The following PRKDC variants were observed in gnomAD, a reference collection of about 807,000 sequenced individuals.
The protein encoded by PRKDC is protein kinase, DNA-activated, catalytic subunit.
PRKDC carries 82 observed loss-of-function variants against 486.9 expected under a neutral mutation model. That is an observed-to-expected ratio of 0.17 (90% CI 0.14 to 0.20). The LOEUF is 0.20. Among genes scored for constraint, PRKDC ranks in the 10% least tolerant of loss-of-function variants. The pLI, the probability that PRKDC is intolerant of heterozygous loss-of-function variation, is 1.00. For synonymous variants in PRKDC, 1,895 were observed against 1,837.0 expected (o/e 1.03, Z -0.81); for missense variants, 4,504 against 5,038.2 (o/e 0.89, Z 3.21).
intron 14 of PRKDC, among the ~76,000 whole-genome samples, chr8:47,934,434 C>T (rs1261954964): frequency 2.0e-5 from 3 of 152,242 alleles, no homozygotes; most frequent in African/African-American, 7.2e-5. Flanking sequence ...ACTTGGGAGG[C>T]TAAGACAGGA....
chr8:47,814,040 T>C (rs1218353603), intron 68 of PRKDC, among the ~76,000 whole-genome samples: 1 of 152,228 alleles, frequency 6.6e-6, no homozygotes, highest in East Asian at 1.9e-4. Context: ...CATGACCGTA[T>C]TGGGTTTACC....
chr8:47,856,755 C>G (rs1463578222), intron 49 of PRKDC, among the ~76,000 whole-genome samples: 1 of 152,222 alleles, frequency 6.6e-6, no homozygotes, highest in Non-Finnish European at 1.5e-5. Flanking sequence ...TTAGTCAATA[C>G]TCTGGGAGTA....
chr8:47,947,006 C>T (rs1300729871), intron 7 of PRKDC, among the ~76,000 whole-genome samples: 1 of 152,200 alleles, frequency 6.6e-6, no homozygotes, highest in Non-Finnish European at 1.5e-5. Context: ...GGAATGAGAT[C>T]CCAGCTCAGA....
At chr8:47,775,988 T>G (rs113397722) in intron 85 of PRKDC, among the ~76,000 whole-genome samples, 1 of 152,118 alleles carries the variant, frequency 6.6e-6, no homozygotes, top group Non-Finnish European at 1.5e-5. Context: ...CATGCCCAGC[T>G]AATTTTTGTA....
intron 7 of PRKDC, among the ~76,000 whole-genome samples, chr8:47,950,377 G>A (rs1489917413): frequency 6.6e-6 from 1 of 152,004 alleles, no homozygotes; most frequent in Non-Finnish European, 1.5e-5. Context: ...TGTAATCCCA[G>A]CACTTTGGGA....
chr8:47,830,321 C>T (rs1365699966), intron 61 of PRKDC, among the ~76,000 whole-genome samples: 1 of 152,170 alleles, frequency 6.6e-6, no homozygotes, highest in Non-Finnish European at 1.5e-5. Flanking sequence ...TTTATGCTCC[C>T]TTTGTTCAGA....
chr8:47,940,212 TCA>T (rs772017237), intron 10 of PRKDC, among the ~76,000 whole-genome samples: 3 of 151,994 alleles, frequency 2.0e-5, no homozygotes, highest in Non-Finnish European at 2.9e-5. Context: ...ACAAAGCATC[TCA>T]GTTTTCAAAA....
chr8:47,837,539 G>C, intron 56 of PRKDC, 120 bp from the exon 57 acceptor site: 1 of 714,492 alleles, frequency 1.4e-6, no homozygotes, highest in South Asian at 1.9e-5. Context: ...TTAACAGAGA[G>C]GGAAACCACC....
chr8:47,824,963 T>G (rs957426945), intron 63 of PRKDC, among the ~76,000 whole-genome samples: 1 of 152,182 alleles, frequency 6.6e-6, no homozygotes, highest in African/African-American at 2.4e-5. Context: ...CTACAGGTTC[T>G]CTCCTAGAGC....
At chr8:47,797,228 G>A (rs796261047) in intron 73 of PRKDC, among the ~76,000 whole-genome samples, 5 of 152,294 alleles carry the variant, frequency 3.3e-5, no homozygotes, top group African/African-American at 7.2e-5. Flanking sequence ...TTTTGACAAC[G>A]TGGAGTGAAT....
In PRKDC at chr8:47,879,545, C is replaced by G. The variant is rs1363640503; in HGVS notation, c.5181G>C (p.Arg1727Ser). Residue 1727 changes from arginine to serine, a missense_variant, in exon 39 of 86, where the codon AGG becomes AGC. Physicochemically the swap from Arg to Ser is moderately radical, Grantham distance 110 (BLOSUM62 -1). Around this residue, in one of 6 missense-constraint regions of PRKDC, gnomAD observed 1,969 missense variants for 2,068.9 expected, o/e 0.95. Coordinates refer to ENST00000314191, the MANE Select transcript of PRKDC (RefSeq NM_006904.7). Reference protein sequence around the residue: ...LIVAHFPMQSREFPPGTPRFN... With the variant: ...LIVAHFPMQSSEFPPGTPRFN... ...ACCGCGGAGTTCCTGGAGGAAATTCCCTGGACTGCATGGGGAAGTGAGCAA... is the reference window on the plus strand; with the variant it reads ...ACCGCGGAGTTCCTGGAGGAAATTCGCTGGACTGCATGGGGAAGTGAGCAA... 18 of 1,597,694 alleles carry G rather than the reference C, an allele frequency of 1.1e-5. No individual in the cohort carries two copies. The highest frequency in any genetic ancestry group is 1.5e-5 in the Non-Finnish European group (17 of 1,171,808).
intron 76 of PRKDC, among the ~76,000 whole-genome samples, chr8:47,786,653 G>A (rs2086795733): frequency 6.7e-6 from 1 of 149,734 alleles, no homozygotes. Flanking sequence ...ATTTAAGAAT[G>A]CTACTTTCTT....
At chr8:47,884,733 T>C (rs1456288432) in intron 36 of PRKDC, among the ~76,000 whole-genome samples, 3 of 152,152 alleles carry the variant, frequency 2.0e-5, no homozygotes, top group Non-Finnish European at 2.9e-5. Flanking sequence ...ACTTAGGACA[T>C]CATGTACTCT....
intron 22 of PRKDC, among the ~76,000 whole-genome samples, chr8:47,917,874 C>A (rs761557588): frequency 6.6e-6 from 1 of 152,074 alleles, no homozygotes; most frequent in Non-Finnish European, 1.5e-5. Flanking sequence ...TTTTGTCAGG[C>A]CACTCCCATT....
intron 54 of PRKDC, among the ~76,000 whole-genome samples, chr8:47,844,851 C>T (rs1321489970): frequency 6.6e-6 from 1 of 152,092 alleles, no homozygotes; most frequent in Non-Finnish European, 1.5e-5. Flanking sequence ...AAAACAGGGA[C>T]ACTAAATGCC....
At position 47,828,258 on chromosome 8, in the gene PRKDC, T is replaced by G; in HGVS notation, c.8487A>C (p.Lys2829Asn). 6.2e-7 allele frequency: 1 copy of G among 1,613,436 alleles called. No homozygotes were observed. Among genetic ancestry groups the G allele is most frequent in the East Asian group, 2.2e-5 (1 of 44,864 alleles). The change falls in exon 62 of 86, where the codon AAA (lysine) becomes AAC (asparagine). Residue 2829 changes from lysine (K) to asparagine (N), a missense_variant. Physicochemically the swap from Lys to Asn is moderately conservative, Grantham distance 94. Transcript: ENST00000314191. Reference protein sequence around the residue: ...EMDKFKTLSEKNNITQKLLQD... With the variant: ...EMDKFKTLSENNNITQKLLQD... ...GAAGCAACTTTTGAGTGATGTTGTT[T>G]TTTTCAGACAGTGTCTTAAATTTAT...
chr8:47,798,183 G>C, intron 73 of PRKDC, 54 bp downstream of exon 73: 4 of 1,555,072 alleles, frequency 2.6e-6, no homozygotes, highest in Non-Finnish European at 3.5e-6. Context: ...ATAAATAAGC[G>C]TATCTTTAAG....
Position 47,936,648 on chromosome 8 carries a change from T to A in PRKDC, c.1114-131A>T, listed in dbSNP as rs1010566425. 3 of 1,047,790 alleles carry A rather than the reference T, an allele frequency of 2.9e-6. No homozygotes were observed. The African/African-American group carries it at 4.8e-5, about 17-fold the overall frequency. The allele number at this position is 1,047,790 out of a possible 1,614,324, so 64.9% of individuals were successfully genotyped here. On this transcript the variant is annotated intron_variant, in intron 11 of 85. Coordinates refer to ENST00000314191, the MANE Select transcript of PRKDC (RefSeq NM_006904.7). ...CTTCTTTTTTTTTTGAGACGAAGTT[T>A]CGCTCTTGTCCAGGCTGGAGTGCAA...
Position 47,863,377 on chromosome 8 carries a change from CCAAAA to C in PRKDC, c.5750+17_5750+21del, listed in dbSNP as rs747858351. ...AAAGCATTGATAAATAAAATAGAATCCAAAATTAAGTAAAATCTTACTTAATCAAT... is the reference window on the plus strand; with the variant it reads ...AAAGCATTGATAAATAAAATAGAATCTTAAGTAAAATCTTACTTAATCAAT... On this transcript the variant is annotated intron_variant, in intron 42 of 85. Coordinates refer to ENST00000314191, the MANE Select transcript of PRKDC (RefSeq NM_006904.7). 14 of 1,552,400 alleles carry C rather than the reference CCAAAA, an allele frequency of 9.0e-6. No individual in the cohort carries two copies. In the East Asian group the frequency reaches 2.3e-4, roughly 25 times the overall value.
Sources: allele counts gnomAD v4.1 joint callset (sites outside exome capture counted in the v4.1 genomes callset), GRCh38; gene constraint gnomAD v4.1.1; regional missense constraint gnomAD v4.1.1; transcripts MANE v1.5; gene names NCBI Gene and HGNC (gene_info 2026-07-23, HGNC 2026-07-21).